Variants in XPO4 observed in about 807,000 individuals in gnomAD.
XPO4 encodes exportin 4.
A neutral mutation model predicts 143.0 loss-of-function variants in XPO4; 39 were observed. The ratio of observed to expected loss-of-function variants is 0.27; its 90% CI spans 0.21 to 0.36. XPO4 has a LOEUF of 0.36. Ranked by LOEUF, XPO4 falls within the 10% of genes least tolerant of loss-of-function variation. The pLI is 1.00. For missense variants in XPO4, 907 were observed against 1,348.0 expected, an observed-to-expected ratio of 0.67 and a Z score of 5.12; for synonymous variants, 439 against 474.0, an observed-to-expected ratio of 0.93 and a Z score of 0.96.
chr13:20,870,239 C>T (rs1383373705), intron 1 of XPO4, among the ~76,000 whole-genome samples: 1 of 151,600 alleles, frequency 6.6e-6, no homozygotes, highest in Non-Finnish European at 1.5e-5. Flanking sequence ...ACCAGCCTGG[C>T]CAACATGGTG....
At chr13:20,831,883 A>T (rs1429907022) in intron 6 of XPO4, among the ~76,000 whole-genome samples, 1 of 137,060 alleles carries the variant, frequency 7.3e-6, no homozygotes, top group Non-Finnish European at 1.5e-5. Context: ...CCGGCAAGGG[A>T]TCCAATTCTG....
chr13:20,811,129 CAG>C (rs929884736), intron 9 of XPO4, among the ~76,000 whole-genome samples: 3 of 151,940 alleles, frequency 2.0e-5, no homozygotes, highest in Admixed American at 2.0e-4. Context: ...GGACCTGGAG[CAG>C]AGAGTGATGG....
At chr13:20,821,910 C>T in intron 8 of XPO4, 32 bp from the exon 9 acceptor site, 2 of 1,560,654 alleles carry the variant, frequency 1.3e-6, no homozygotes, top group Non-Finnish European at 8.7e-7. Flanking sequence ...TATTAAGTGG[C>T]AGTAAAAGAA....
In XPO4 at chr13:20,809,807, T is replaced by C; in HGVS notation, c.1334A>G (p.Asp445Gly). ...AAAACTCACCAAATTTCTTGTGCCA[T>C]CTGGAGCAGCTAGGTGGCACTGAAT... The part of the protein sequence containing the change: ...SYIQCHLAAP[D>G]GTRNLTANGV... The change falls in exon 10 of 23, where the codon GAT (aspartate) becomes GGT (glycine). Residue 445 changes from aspartate to glycine, a missense_variant. Asp to Gly is a moderately conservative substitution (Grantham distance 94). Coordinates refer to ENST00000255305, the MANE Select transcript of XPO4 (RefSeq NM_022459.5). 6.8e-6 allele frequency: 11 copies of C among 1,609,718 alleles called. No individual in the cohort carries two copies. The highest frequency in any genetic ancestry group is 9.3e-6 in the Non-Finnish European group (11 of 1,178,388).
intron 9 of XPO4, among the ~76,000 whole-genome samples, chr13:20,819,580 A>G (rs1169520863): frequency 1.3e-5 from 2 of 152,128 alleles, no homozygotes; most frequent in African/African-American, 4.8e-5. Context: ...GAATCGCTTG[A>G]ACCTGTGAGG....
rs772507853 is a variant in XPO4, at chr13:20,796,968, T to C, written c.2412A>G (p.Glu804=). 1 of 1,613,786 alleles carries C rather than the reference T, an allele frequency of 6.2e-7. No homozygotes were observed. Among genetic ancestry groups the C allele is most frequent in the South Asian group, 1.1e-5 (1 of 90,996 alleles). Reference sequence around the variant, plus strand: ...ACAGGGCCTCTAGTGTGGCAGTGATTTCCTGCTTGACTTCCTCTTGCTGAC... The same window carrying C: ...ACAGGGCCTCTAGTGTGGCAGTGATCTCCTGCTTGACTTCCTCTTGCTGAC... ...QMCQQEEVKQ[E]ITATLEALCG... The change falls in exon 17 of 23, where the codon GAA becomes GAG. Residue 804 remains glutamate (E), a synonymous_variant. Transcript: ENST00000255305.
intron 9 of XPO4, among the ~76,000 whole-genome samples, chr13:20,813,095 T>C (rs1295512586): frequency 1.3e-5 from 2 of 152,268 alleles, no homozygotes; most frequent in African/African-American, 4.8e-5. Flanking sequence ...TGTCTTAGCA[T>C]GGCAGAGCAG....
chr13:20,891,122 T>TAAAAAAA (rs57528913), intron 1 of XPO4, among the ~76,000 whole-genome samples: 10 of 85,998 alleles, frequency 1.2e-4, no homozygotes, highest in East Asian at 9.3e-4. Context: ...CATCTCAATT[T>TAAAAAAA]AAAAAAAAAA....
At chr13:20,902,393 A>G in intron 1 of XPO4, 2 of 985,380 alleles carry the variant, frequency 2.0e-6, no homozygotes, top group Non-Finnish European at 2.4e-6. Flanking sequence ...GGCAGGGTGT[A>G]AGGTGAAGAA....
At chr13:20,882,045 G>C (rs560253139) in intron 1 of XPO4, among the ~76,000 whole-genome samples, 2 of 149,742 alleles carry the variant, frequency 1.3e-5, no homozygotes, top group African/African-American at 5.0e-5. Flanking sequence ...GGAAGGTAGA[G>C]GTTGCAGTGA....
At chr13:20,796,381 C>T (rs2059358768) in intron 17 of XPO4, 125 bp from the exon 18 acceptor site, 3 of 698,446 alleles carry the variant, frequency 4.3e-6, no homozygotes, top group Non-Finnish European at 6.2e-6. Flanking sequence ...CTTTAAACTA[C>T]ATTAAAACAA....
chr13:20,802,409 T>TA (rs1429073989), intron 13 of XPO4, among the ~76,000 whole-genome samples: 4 of 152,096 alleles, frequency 2.6e-5, no homozygotes, highest in Non-Finnish European at 5.9e-5. Context: ...TTGAGTTTTT[T>TA]AAAAAAATTT....
intron 2 of XPO4, among the ~76,000 whole-genome samples, chr13:20,866,974 T>C (rs2060249781): frequency 6.6e-6 from 1 of 152,222 alleles, no homozygotes. Flanking sequence ...GCATATGCCA[T>C]GAAAACCAGA....
intron 22 of XPO4, among the ~76,000 whole-genome samples, chr13:20,786,677 GCA>G (rs886497690): frequency 1.2e-4 from 19 of 152,048 alleles, no homozygotes; most frequent in African/African-American, 4.1e-4. Flanking sequence ...CTCATTCCTA[GCA>G]CAGTTGTTTA....
In XPO4 at chr13:20,884,036, G is replaced by A. The variant is rs575161408; in HGVS notation, c.70-15335C>T. Among the ~76,000 whole-genome samples the A allele has an allele frequency of 7.4e-4, 113 of 152,208 alleles. 1 individual carries two copies. The highest frequency in any genetic ancestry group is 1.4e-3 in the Non-Finnish European group (94 of 67,940). ...ATGCCTCAGCCTCCTGAAGTGCTGC[G>A]ATTACAGGCATGAGCCACCACACCC... is the stretch of plus-strand genomic sequence containing the variant. On this transcript the variant is annotated intron_variant, in intron 1 of 22. Transcript: ENST00000255305.
At position 20,868,707 on chromosome 13, in the gene XPO4, G is replaced by A. The variant is rs753921855; in HGVS notation, c.70-6C>T. ...TTGACCATGGAAGGTGGTGCCTTGA[G>A]AGTTAAAGACAAGAACAGATACACT... On this transcript the variant is annotated splice_polypyrimidine_tract_variant and splice_region_variant and intron_variant, in intron 1 of 22. Coordinates refer to ENST00000255305, the MANE Select transcript of XPO4 (RefSeq NM_022459.5). The A allele has an allele frequency of 6.2e-7, 1 of 1,611,504 alleles. No homozygotes were observed. The highest frequency in any genetic ancestry group is 8.5e-7 in the Non-Finnish European group (1 of 1,178,808).
At chr13:20,888,467 C>A (rs1006379229) in intron 1 of XPO4, among the ~76,000 whole-genome samples, 1 of 152,198 alleles carries the variant, frequency 6.6e-6, no homozygotes, top group Non-Finnish European at 1.5e-5. Context: ...GCTCCCACTT[C>A]AGCCTCCTGA....
chr13:20,885,097 C>T (rs9509416), intron 1 of XPO4, among the ~76,000 whole-genome samples: 53,438 of 151,900 alleles, frequency 0.35, 11,250 homozygotes, highest in Non-Finnish European at 0.48. Flanking sequence ...GGATTACAGG[C>T]ATGCGCCACC....
rs2138128945 is a variant in XPO4, at chr13:20,865,636, G to GT, written c.176-2779dup. On this transcript the variant is annotated intron_variant, in intron 2 of 22. Coordinates refer to ENST00000255305, the MANE Select transcript of XPO4 (RefSeq NM_022459.5). ...ACTAAACAGAAACATGAAGACAAAA[G>GT]TTAAAGTTAATAATACAGGAAAAGC... is the stretch of plus-strand genomic sequence containing the variant. 3.2e-6 allele frequency: 3 copies of GT among 950,734 alleles called. No homozygotes were observed. The South Asian group carries it at 1.5e-4, about 46-fold the overall frequency. The allele number at this position is 950,734 out of a possible 1,614,324, so 58.9% of individuals were successfully genotyped here. A position where few individuals can be genotyped will look rare whatever the true frequency, so the allele number is the denominator to read the frequency against.
Sources: allele counts gnomAD v4.1 joint callset (sites outside exome capture counted in the v4.1 genomes callset), GRCh38; gene constraint gnomAD v4.1.1; transcripts MANE v1.5; gene names NCBI Gene and HGNC (gene_info 2026-07-23, HGNC 2026-07-21).